Variants in FGFR1 observed in about 807,000 individuals in gnomAD.
The protein encoded by FGFR1 is fibroblast growth factor receptor 1, also known as FGFR1/PLAG1 fusion.
Under a neutral mutation model 93.7 loss-of-function variants are expected in FGFR1, and 18 were observed. The observed-to-expected ratio is 0.19, with a 90% CI of 0.13 to 0.28. The LOEUF (loss-of-function observed/expected upper bound fraction) is 0.28. Among genes scored for constraint, FGFR1 ranks in the 10% least tolerant of loss-of-function variants. FGFR1 has a pLI of 1.00. For missense variants in FGFR1, 731 were observed against 1,080.4 expected (o/e 0.68, Z 4.53); for synonymous variants, 448 against 429.3 (o/e 1.04, Z -0.54).
intron 2 of FGFR1, among the ~76,000 whole-genome samples, chr8:38,445,729 A>C (rs1031257027): frequency 5.4e-5 from 8 of 147,790 alleles, no homozygotes; most frequent in African/African-American, 2.0e-4. Flanking sequence ...TAATATTTTT[A>C]GTAGAGACAC....
intron 2 of FGFR1, among the ~76,000 whole-genome samples, chr8:38,431,630 AGGGACTGACAGTGGTTTCTCTTG>A (rs1042923784): frequency 2.0e-4 from 30 of 152,196 alleles, no homozygotes; most frequent in Admixed American, 1.9e-3. Flanking sequence ...AGCAACTGAC[AGGGACTGACAGTGGTTTCTCTTG>A]GGGGGGCCAA....
chr8:38,466,458 G>A (rs1835526620), intron 1 of FGFR1: 1 of 231,694 alleles, frequency 4.3e-6, no homozygotes, highest in South Asian at 1.8e-4. Flanking sequence ...GTTCGCGAGT[G>A]GCACCCCCTA....
At chr8:38,446,280 G>A (rs771810336) in intron 2 of FGFR1, among the ~76,000 whole-genome samples, 1 of 149,776 alleles carries the variant, frequency 6.7e-6, no homozygotes, top group Non-Finnish European at 1.5e-5. Flanking sequence ...GCACAATCTC[G>A]GCTCATTGCA....
chr8:38,416,493 T>C (rs1003499880), intron 12 of FGFR1, among the ~76,000 whole-genome samples: 1 of 135,778 alleles, frequency 7.4e-6, no homozygotes, highest in Admixed American at 8.3e-5. Flanking sequence ...GTTTTGCTCG[T>C]TGCCCAAGCT....
At chr8:38,438,409 G>A (rs974475899) in intron 2 of FGFR1, among the ~76,000 whole-genome samples, 3 of 152,140 alleles carry the variant, frequency 2.0e-5, no homozygotes, top group Non-Finnish European at 2.9e-5. Context: ...CAGGCGTGGT[G>A]ATGCACGCCT....
chr8:38,446,847 G>A (rs550540853), intron 2 of FGFR1, among the ~76,000 whole-genome samples: 4 of 152,076 alleles, frequency 2.6e-5, no homozygotes, highest in Admixed American at 6.5e-5. Context: ...TAGTTTATGC[G>A]TCCAGGCAAT....
At chr8:38,420,493 C>G (rs1294545580) in intron 8 of FGFR1, 1 of 152,208 alleles carries the variant, frequency 6.6e-6, no homozygotes, top group Admixed American at 6.5e-5. Context: ...AATGTGGCGG[C>G]AGGGGGCGGA....
At chr8:38,458,171 T>C (rs1402640110) in intron 1 of FGFR1, among the ~76,000 whole-genome samples, 1 of 152,156 alleles carries the variant, frequency 6.6e-6, no homozygotes, top group Non-Finnish European at 1.5e-5. Flanking sequence ...TCTGCCCTTT[T>C]GTGGGAAACA....
At chr8:38,423,364 C>T (rs1419081609) in intron 7 of FGFR1, 5 of 527,702 alleles carry the variant, frequency 9.5e-6, no homozygotes, top group African/African-American at 7.9e-5. Context: ...CTCTGTCACC[C>T]AGGCTGGAGT....
chr8:38,444,156 G>C (rs1181458125), intron 2 of FGFR1, among the ~76,000 whole-genome samples: 1 of 148,934 alleles, frequency 6.7e-6, no homozygotes, highest in Non-Finnish European at 1.5e-5. Flanking sequence ...ATGATCCTTT[G>C]TTGGTTCCAA....
At chr8:38,428,131 G>A (rs1441907291) in intron 4 of FGFR1, 38 bp from the exon 5 acceptor site, 2 of 1,612,784 alleles carry the variant, frequency 1.2e-6, no homozygotes, top group African/African-American at 1.3e-5. Flanking sequence ...GCAGGGTGGA[G>A]AGGAGCAGCT....
intron 1 of FGFR1, 56 bp downstream of exon 1, chr8:38,467,924 CG>C: frequency 1.4e-5 from 3 of 217,866 alleles, no homozygotes; most frequent in Non-Finnish European, 2.8e-5. Context: ...GCTCCGGCGC[CG>C]GGGGCCGCTC....
At chr8:38,439,829 C>A (rs1230578198) in intron 2 of FGFR1, among the ~76,000 whole-genome samples, 1 of 152,168 alleles carries the variant, frequency 6.6e-6, no homozygotes, top group Non-Finnish European at 1.5e-5. Flanking sequence ...CATGAATGTG[C>A]CTTTCCCTAG....
intron 9 of FGFR1, chr8:38,418,642 T>C (rs1817626168): frequency 7.5e-6 from 4 of 532,432 alleles, no homozygotes; most frequent in Non-Finnish European, 1.4e-5. Flanking sequence ...TGACATTTTA[T>C]AACTGATCAT....
At position 38,413,897 on chromosome 8, in the gene FGFR1, C is replaced by T. The variant is rs1270061487; in HGVS notation, c.2292+21G>A. 1 of 1,613,738 alleles carries T rather than the reference C, an allele frequency of 6.2e-7. No individual in the cohort carries two copies. Among genetic ancestry groups the T allele is most frequent in the South Asian group, 1.1e-5 (1 of 91,040 alleles). On this transcript the variant is annotated intron_variant, in intron 17 of 17. Coordinates refer to ENST00000447712, the MANE Select transcript of FGFR1 (RefSeq NM_023110.3). This position sits in a 1 kb window ranked among gnomAD's most constrained non-coding sequence, Gnocchi z 4.2. ...GCAGTGGGGACGGCCTGAGCTCTGGCTCTGGCACGGGCAGCCTTACCTGGT... is the reference window on the plus strand; with the variant it reads ...GCAGTGGGGACGGCCTGAGCTCTGGTTCTGGCACGGGCAGCCTTACCTGGT...
chr8:38,428,721 G>A (rs1268888808), intron 3 of FGFR1: 5 of 461,360 alleles, frequency 1.1e-5, no homozygotes, highest in Non-Finnish European at 2.0e-5. Context: ...TACATTCAAA[G>A]GCGCTTTCTC....
rs1334458569 is a variant in FGFR1, at chr8:38,442,616, C to G, written c.92-12668G>C. ...TCCACTGAGCTCTGACCTTAAAGTT[C>G]GGTCAGGTTCCTTAAGGAAAAGAAT... is the stretch of plus-strand genomic sequence containing the variant. On this transcript the variant is annotated intron_variant, in intron 2 of 17. Transcript: ENST00000447712. Among the ~76,000 whole-genome samples, 6 of 152,062 alleles carry G rather than the reference C, an allele frequency of 3.9e-5. 1 individual carries two copies.
intron 2 of FGFR1, 43 bp downstream of exon 2, chr8:38,457,313 C>T (rs1381607369): frequency 6.2e-7 from 1 of 1,604,758 alleles, no homozygotes; most frequent in African/African-American, 1.3e-5. Flanking sequence ...CCATCCTGTT[C>T]CCAAGGCCCA....
In FGFR1 at chr8:38,411,480, G is replaced by A; in HGVS notation, c.*2148C>T. 1 of 227,630 alleles carries A rather than the reference G, an allele frequency of 4.4e-6. No homozygotes were observed. Among genetic ancestry groups the A allele is most frequent in the Admixed American group, 5.7e-5 (1 of 17,626 alleles). 14.1% of individuals were successfully genotyped at this position (227,630 alleles called of 1,614,324 possible). Reference sequence around the variant, plus strand: ...AACATAAATACAAATTGTAATGTTAGCAGGTGCTATTTACAGAGAGAAACA... The same window carrying A: ...AACATAAATACAAATTGTAATGTTAACAGGTGCTATTTACAGAGAGAAACA... On this transcript the variant is annotated 3_prime_UTR_variant, in exon 18 of 18. Coordinates refer to ENST00000447712, the MANE Select transcript of FGFR1 (RefSeq NM_023110.3).
Sources: gnomAD v4.1 joint callset for allele counts (sites outside exome capture counted in the v4.1 genomes callset) on GRCh38, gnomAD v4.1.1 for gene constraint, Gnocchi (gnomAD v3.1) non-coding constraint, MANE v1.5 for transcripts, NCBI Gene and HGNC (gene_info 2026-07-23, HGNC 2026-07-21) for gene names.